The following TOX variants were observed in gnomAD, a reference collection of about 807,000 sequenced individuals.
TOX encodes thymocyte selection-associated high mobility group box protein TOX.
A neutral mutation model predicts 53.7 loss-of-function variants in TOX; 11 were observed. That is an observed-to-expected ratio of 0.20 (90% CI 0.13 to 0.34). The LOEUF is 0.34. Ranked by LOEUF, TOX falls within the 10% of genes least tolerant of loss-of-function variation. The pLI is 1.00. For synonymous variants in TOX, 225 were observed against 245.3 expected (o/e 0.92, Z 0.77); for missense variants, 570 against 664.6 (o/e 0.86, Z 1.56).
intron 1 of TOX, among the ~76,000 whole-genome samples, chr8:58,981,487 CA>C (rs1169247417): frequency 6.6e-6 from 1 of 152,114 alleles, no homozygotes; most frequent in Non-Finnish European, 1.5e-5. Context: ...GTCCCTGCTT[CA>C]AAATCACATA....
chr8:59,077,239 G>C (rs1804308837), intron 1 of TOX, among the ~76,000 whole-genome samples: 1 of 152,198 alleles, frequency 6.6e-6, no homozygotes, highest in Non-Finnish European at 1.5e-5. Flanking sequence ...CATAACCATA[G>C]GAGTGCATGC....
intron 3 of TOX, among the ~76,000 whole-genome samples, chr8:58,866,631 G>T (rs13274136): frequency 1.1e-4 from 16 of 152,156 alleles, no homozygotes; most frequent in Non-Finnish European, 1.9e-4. Flanking sequence ...TGGCCATTTA[G>T]AATAGAATTA....
At chr8:59,107,148 G>T (rs1383587624) in intron 1 of TOX, among the ~76,000 whole-genome samples, 2 of 149,546 alleles carry the variant, frequency 1.3e-5, no homozygotes, top group Non-Finnish European at 3.0e-5. Flanking sequence ...CTTGAAAAGT[G>T]ACCAACCAAT....
At chr8:59,108,480 T>C (rs1804951976) in intron 1 of TOX, among the ~76,000 whole-genome samples, 2 of 152,188 alleles carry the variant, frequency 1.3e-5, no homozygotes, top group African/African-American at 4.8e-5. Context: ...CATATTTTAT[T>C]GTAGGCATTA....
intron 3 of TOX, among the ~76,000 whole-genome samples, chr8:58,904,309 T>C (rs55871839): frequency 0.34 from 51,485 of 151,980 alleles, 10,191 homozygotes; most frequent in South Asian, 0.5. Flanking sequence ...ACATATTTTT[T>C]TTTTTGTTCG....
intron 2 of TOX, among the ~76,000 whole-genome samples, chr8:58,949,567 A>G (rs1235141929): frequency 2.0e-5 from 3 of 152,322 alleles, no homozygotes; most frequent in Admixed American, 6.5e-5. Context: ...ATTTGCCTGC[A>G]TTTATAGAAC....
chr8:58,953,460 G>A (rs1337477525), intron 2 of TOX, among the ~76,000 whole-genome samples: 1 of 152,182 alleles, frequency 6.6e-6, no homozygotes, highest in Admixed American at 6.5e-5. Context: ...AAGATGTCAA[G>A]CCAAATGCTA....
chr8:59,040,139 G>A (rs553786980), intron 1 of TOX, among the ~76,000 whole-genome samples: 120 of 151,990 alleles, frequency 7.9e-4, no homozygotes, highest in Middle Eastern at 3.4e-3. Flanking sequence ...ACCATCCCGG[G>A]TAAAACGGTG....
At chr8:58,995,766 T>G (rs1813548976) in intron 1 of TOX, among the ~76,000 whole-genome samples, 1 of 152,250 alleles carries the variant, frequency 6.6e-6, no homozygotes. Context: ...AAAAATATAC[T>G]TTAGCATTTT....
chr8:59,061,831 A>C (rs2129421994), intron 1 of TOX, among the ~76,000 whole-genome samples: 1 of 152,226 alleles, frequency 6.6e-6, no homozygotes, highest in South Asian at 2.1e-4. Flanking sequence ...ACGTGCGCCC[A>C]TGCCCAGCCC....
chr8:58,828,431 A>G (rs1326622597), intron 5 of TOX, among the ~76,000 whole-genome samples: 2 of 152,174 alleles, frequency 1.3e-5, no homozygotes, highest in African/African-American at 4.8e-5. Context: ...CATATAATCA[A>G]TGTGCCATCA....
At position 58,877,921 on chromosome 8, in the gene TOX, C is replaced by A. The variant is rs1811313748; in HGVS notation, c.412-26116G>T. On this transcript the variant is annotated intron_variant, in intron 3 of 8. Transcript: ENST00000361421. Reference sequence around the variant, plus strand: ...TTTTGCTTACTCTTAATCATTTGTTCTGATTGCTCAGGGTAATGAGGATGA... The same window carrying A: ...TTTTGCTTACTCTTAATCATTTGTTATGATTGCTCAGGGTAATGAGGATGA... Among the ~76,000 whole-genome samples the A allele has an allele frequency of 2.6e-5, 4 of 151,538 alleles. No individual in the cohort carries two copies. The South Asian group carries it at 8.3e-4, about 31-fold the overall frequency.
chr8:58,909,153 C>A (rs1438877025), intron 3 of TOX, among the ~76,000 whole-genome samples: 1 of 152,122 alleles, frequency 6.6e-6, no homozygotes, highest in Non-Finnish European at 1.5e-5. Flanking sequence ...AACAGTTAGA[C>A]CCAATATCAT....
chr8:59,105,814 C>A (rs146873240), intron 1 of TOX, among the ~76,000 whole-genome samples: 1 of 152,256 alleles, frequency 6.6e-6, no homozygotes, highest in African/African-American at 2.4e-5. Context: ...TTTCCTGTTA[C>A]ATAAAATGAA....
At chr8:59,037,092 A>T (rs1328153663) in intron 1 of TOX, among the ~76,000 whole-genome samples, 2 of 151,198 alleles carry the variant, frequency 1.3e-5, no homozygotes, top group Non-Finnish European at 2.9e-5. Flanking sequence ...GAAATATCCT[A>T]CCTTGTGAAT....
intron 1 of TOX, among the ~76,000 whole-genome samples, chr8:58,997,854 G>A (rs1425720788): frequency 1.3e-5 from 2 of 151,926 alleles, no homozygotes; most frequent in South Asian, 2.1e-4. Flanking sequence ...GTGCAGTGGC[G>A]CGATCTTGGC....
intron 1 of TOX, among the ~76,000 whole-genome samples, chr8:59,039,126 C>G (rs998422907): frequency 6.6e-6 from 1 of 152,222 alleles, no homozygotes; most frequent in South Asian, 2.1e-4. Flanking sequence ...AAGTCACTTA[C>G]GAACCACACT....
rs571105907 is a variant in TOX at position 58,994,432 on chromosome 8, G to A, written c.103-34424C>T. Among the ~76,000 whole-genome samples the A allele has an allele frequency of 3.3e-5, 5 of 151,676 alleles. No homozygotes were observed. The South Asian group carries it at 1.0e-3, about 32-fold the overall frequency. ...TGTGTGTGTGTGTGCGCGCGCGCATGTGTGTGTATTTTTTTTTTTTAAAGA... is the reference window on the plus strand; with the variant it reads ...TGTGTGTGTGTGTGCGCGCGCGCATATGTGTGTATTTTTTTTTTTTAAAGA... On this transcript the variant is annotated intron_variant, in intron 1 of 8. Transcript: ENST00000361421.
intron 1 of TOX, among the ~76,000 whole-genome samples, chr8:59,092,302 T>TATATATTATATATACATTATA (rs1804630725): frequency 9.6e-6 from 1 of 104,630 alleles, no homozygotes; most frequent in Non-Finnish European, 1.6e-5. Flanking sequence ...ATTATATATA[T>TATATATTATATATACATTATA]TATATATTAT....
Sources: allele counts gnomAD v4.1 joint callset (sites outside exome capture counted in the v4.1 genomes callset), GRCh38; gene constraint gnomAD v4.1.1; transcripts MANE v1.5; gene names NCBI Gene and HGNC (gene_info 2026-07-23, HGNC 2026-07-21).